Variants in SLC39A11 observed in about 807,000 individuals in gnomAD.
The protein encoded by SLC39A11 is zinc transporter ZIP11.
SLC39A11 carries 33 observed loss-of-function variants against 36.1 expected under a neutral mutation model. The observed-to-expected ratio is 0.91, with a 90% CI of 0.69 to 1.22. The LOEUF (loss-of-function observed/expected upper bound fraction) is 1.22, where lower values mean the gene tolerates loss of function less well. SLC39A11 is among the 50% of genes most tolerant of loss of function. The pLI, the probability that SLC39A11 is intolerant of heterozygous loss-of-function variation, is 0.00. For synonymous variants in SLC39A11, 166 were observed against 170.3 expected, an observed-to-expected ratio of 0.97 and a Z score of 0.20; for missense variants, 432 against 430.3, an observed-to-expected ratio of 1.00 and a Z score of -0.03.
intron 5 of SLC39A11, among the ~76,000 whole-genome samples, chr17:72,914,890 T>TAAATAAA (rs1555629723): frequency 2.5e-5 from 3 of 120,988 alleles, no homozygotes; most frequent in South Asian, 2.5e-4. Context: ...ATAAATAAAA[T>TAAATAAA]TGAATATCTG....
intron 5 of SLC39A11, among the ~76,000 whole-genome samples, chr17:72,905,172 C>CA (rs58702930): frequency 0.019 from 807 of 42,850 alleles, 149 homozygotes; most frequent in Non-Finnish European, 0.021. Flanking sequence ...GACTCCATCT[C>CA]AAAAAAAAAA....
intron 7 of SLC39A11, among the ~76,000 whole-genome samples, chr17:72,729,284 T>C (rs1329915165): frequency 6.8e-6 from 1 of 147,856 alleles, no homozygotes; most frequent in Admixed American, 6.8e-5. Context: ...TTGCCCAGGA[T>C]GGAGTGCAGT....
intron 6 of SLC39A11, among the ~76,000 whole-genome samples, chr17:72,790,893 G>A (rs927555286): frequency 1.3e-5 from 2 of 152,164 alleles, no homozygotes; most frequent in African/African-American, 4.8e-5. Context: ...GGGACCCTGA[G>A]CAGAAGGAAG....
intron 6 of SLC39A11, among the ~76,000 whole-genome samples, chr17:72,762,376 A>G (rs2075618079): frequency 6.6e-6 from 1 of 152,204 alleles, no homozygotes; most frequent in Non-Finnish European, 1.5e-5. Flanking sequence ...CACTCCCAAT[A>G]GCACCATGAC....
At chr17:72,687,389 G>A (rs879417688) in intron 7 of SLC39A11, among the ~76,000 whole-genome samples, 42 of 152,218 alleles carry the variant, frequency 2.8e-4, no homozygotes, top group Non-Finnish European at 3.2e-4. Flanking sequence ...GACTACAGGC[G>A]CGTGCCAACA....
At chr17:72,745,753 G>A (rs1447569764) in intron 6 of SLC39A11, among the ~76,000 whole-genome samples, 2 of 152,200 alleles carry the variant, frequency 1.3e-5, no homozygotes, top group Non-Finnish European at 1.5e-5. Flanking sequence ...GCCAGAAGAA[G>A]TCTAGAAAAT....
In SLC39A11 at chr17:72,648,942, T is replaced by G. The variant is rs762130204; in HGVS notation, c.790A>C (p.Met264Leu). 5.0e-6 allele frequency: 8 copies of G among 1,613,198 alleles called. No individual in the cohort carries two copies. In the Admixed American group the frequency reaches 1.3e-4, roughly 27 times the overall value. The change falls in exon 9 of 10, where the codon ATG (methionine) becomes CTG (leucine). Residue 264 changes from methionine (M) to leucine (L), a missense_variant. Met to Leu is a conservative substitution (Grantham distance 15). Coordinates refer to ENST00000255559, the MANE Select transcript of SLC39A11 (RefSeq NM_139177.4). ...RAFWYGQLSG[M>L]VEPLAGVFGA... ...AAGACCCCGGCCAGGGGCTCCACCA[T>G]GCCGCTCAGCTGCCCATACCTAAGG...
chr17:73,025,171 C>A (rs890716011), intron 4 of SLC39A11, among the ~76,000 whole-genome samples: 1 of 152,160 alleles, frequency 6.6e-6, no homozygotes, highest in African/African-American at 2.4e-5. Context: ...GTGATCCCTG[C>A]TTGCCAGCCT....
chr17:72,850,990 T>A (rs1567822014), intron 5 of SLC39A11, among the ~76,000 whole-genome samples: 1 of 152,046 alleles, frequency 6.6e-6, no homozygotes, highest in East Asian at 1.9e-4. Context: ...AAAAATCACG[T>A]GATGCGCGAG....
At chr17:72,711,516 T>C (rs1414932744) in intron 7 of SLC39A11, among the ~76,000 whole-genome samples, 1 of 152,208 alleles carries the variant, frequency 6.6e-6, no homozygotes, top group African/African-American at 2.4e-5. Context: ...TACTTAACTC[T>C]AGGTGAGAGA....
chr17:73,086,728 G>T (rs2060742152), intron 2 of SLC39A11, among the ~76,000 whole-genome samples: 1 of 152,154 alleles, frequency 6.6e-6, no homozygotes, highest in African/African-American at 2.4e-5. Flanking sequence ...GCTGAGGTGG[G>T]ACGATCACTT....
chr17:72,806,769 G>C (rs1195154753), intron 6 of SLC39A11, among the ~76,000 whole-genome samples: 1 of 152,174 alleles, frequency 6.6e-6, no homozygotes, highest in Non-Finnish European at 1.5e-5. Flanking sequence ...TTTTAGTAGA[G>C]ACGGGGTTGT....
Position 72,797,738 on chromosome 17 carries a change from A to G in SLC39A11, c.601+51896T>C, listed in dbSNP as rs73354756. ...GAAGTTTAGGGATATCAAGTGTCCA[A>G]TCTAAGCTCGCAGGTGGCACAGCCA... is the stretch of plus-strand genomic sequence containing the variant. On this transcript the variant is annotated intron_variant, in intron 6 of 9. Coordinates refer to ENST00000255559, the MANE Select transcript of SLC39A11 (RefSeq NM_139177.4). Among the ~76,000 whole-genome samples the G allele has an allele frequency of 6.3e-3, 955 of 152,212 alleles. 21 individuals carry two copies. Among genetic ancestry groups the G allele is most frequent in the African/African-American group, 0.022 (913 of 41,454 alleles).
At chr17:72,921,151 T>A (rs112874269) in intron 5 of SLC39A11, among the ~76,000 whole-genome samples, 3,546 of 152,182 alleles carry the variant, frequency 0.023, 69 homozygotes, top group Middle Eastern at 0.037. Context: ...CTGCATGAAA[T>A]GAATGAAAAA....
At chr17:72,846,113 T>C (rs1458623051) in intron 6 of SLC39A11, among the ~76,000 whole-genome samples, 5 of 142,064 alleles carry the variant, frequency 3.5e-5, no homozygotes, top group Non-Finnish European at 7.6e-5. Context: ...CACTGCAACC[T>C]CTGCCTCCTG....
At chr17:72,999,700 G>T (rs1052043431) in intron 4 of SLC39A11, among the ~76,000 whole-genome samples, 8 of 152,144 alleles carry the variant, frequency 5.3e-5, no homozygotes, top group Non-Finnish European at 1.2e-4. Context: ...TAGGGCTGCA[G>T]ATGGTTTTCT....
At chr17:72,948,436 T>C (rs757046405) in intron 4 of SLC39A11, among the ~76,000 whole-genome samples, 1 of 151,398 alleles carries the variant, frequency 6.6e-6, no homozygotes, top group Non-Finnish European at 1.5e-5. Context: ...AGCAATGAAG[T>C]TGGTTCCTGA....
At chr17:73,045,344 AC>A (rs2059245925) in intron 3 of SLC39A11, among the ~76,000 whole-genome samples, 1 of 135,586 alleles carries the variant, frequency 7.4e-6, no homozygotes, top group Non-Finnish European at 1.5e-5. Context: ...AAATTTATTG[AC>A]CAGTCACCTA....
At chr17:73,069,127 C>T (rs1253072676) in intron 3 of SLC39A11, among the ~76,000 whole-genome samples, 1 of 152,154 alleles carries the variant, frequency 6.6e-6, no homozygotes, top group Admixed American at 6.5e-5. Flanking sequence ...TCCCCTACCC[C>T]GTCTTCCCCA....
Sources: gnomAD v4.1 joint callset for allele counts (sites outside exome capture counted in the v4.1 genomes callset) on GRCh38, gnomAD v4.1.1 for gene constraint, MANE v1.5 for transcripts, NCBI Gene and HGNC (gene_info 2026-07-23, HGNC 2026-07-21) for gene names.